ROBO2: variants seen among roughly 807,000 people sequenced by gnomAD.
The protein encoded by ROBO2 is roundabout homolog 2.
In ROBO2, 53 loss-of-function variants were observed where a neutral mutation model predicts 160.8. The ratio of observed to expected loss-of-function variants is 0.33; its 90% confidence interval spans 0.26 to 0.41. The LOEUF (loss-of-function observed/expected upper bound fraction) is 0.41, where lower values mean the gene tolerates loss of function less well. Among genes scored for constraint, ROBO2 ranks in the 10% least tolerant of loss-of-function variants. ROBO2 has a pLI of 1.00. For synonymous variants in ROBO2, 664 were observed against 611.7 expected (o/e 1.09, Z -1.26); for missense variants, 1,577 against 1,722.4 (o/e 0.92, Z 1.49).
At chr3:77,157,492 C>A (rs1032282021) in intron 2 of ROBO2, among the ~76,000 whole-genome samples, 6 of 151,936 alleles carry the variant, frequency 3.9e-5, no homozygotes, top group African/African-American at 1.2e-4. Flanking sequence ...TCGGGGAATT[C>A]TTTTGCTTTC....
chr3:76,715,096 G>A (rs947155593), intron 2 of ROBO2, among the ~76,000 whole-genome samples: 1 of 152,012 alleles, frequency 6.6e-6, no homozygotes, highest in Admixed American at 6.6e-5. Context: ...GATAAAATAG[G>A]TTTTCCAAAC....
At chr3:75,986,952 C>A (rs1430253088) in intron 2 of ROBO2, among the ~76,000 whole-genome samples, 1 of 151,790 alleles carries the variant, frequency 6.6e-6, no homozygotes, top group African/African-American at 2.4e-5. Flanking sequence ...ATGCCTGTGG[C>A]ACCCTGTTTT....
chr3:76,809,264 G>A (rs1364492806), intron 2 of ROBO2, among the ~76,000 whole-genome samples: 2 of 152,098 alleles, frequency 1.3e-5, no homozygotes, highest in African/African-American at 4.8e-5. Flanking sequence ...CCCTCAGGTT[G>A]TTGGCAGAAT....
At chr3:76,351,270 G>A (rs1322813197) in intron 2 of ROBO2, among the ~76,000 whole-genome samples, 1 of 151,836 alleles carries the variant, frequency 6.6e-6, no homozygotes, top group East Asian at 1.9e-4. Context: ...ATATTAAAAA[G>A]CACAATACTA....
chr3:77,366,334 C>T (rs9823539), intron 2 of ROBO2, among the ~76,000 whole-genome samples: 61,400 of 151,704 alleles, frequency 0.4, 13,163 homozygotes, highest in East Asian at 0.71. Context: ...GTGGGACTTT[C>T]GGGAAATGAT....
chr3:77,123,435 G>T (rs1178379205), intron 2 of ROBO2, among the ~76,000 whole-genome samples: 1 of 152,060 alleles, frequency 6.6e-6, no homozygotes, highest in East Asian at 1.9e-4. Context: ...TGAGGAGTTA[G>T]AAAATAATTG....
At chr3:76,054,905 G>A (rs1478542918) in intron 2 of ROBO2, among the ~76,000 whole-genome samples, 3 of 152,206 alleles carry the variant, frequency 2.0e-5, no homozygotes, top group Non-Finnish European at 2.9e-5. Flanking sequence ...GGGAGGTGAG[G>A]AATCTCTGGA....
intron 2 of ROBO2, among the ~76,000 whole-genome samples, chr3:77,034,589 T>C (rs994118269): frequency 2.0e-5 from 3 of 151,904 alleles, no homozygotes; most frequent in African/African-American, 7.2e-5. Context: ...CAAGGGAGAA[T>C]AAGCAATTTT....
At chr3:77,615,411 A>G (rs140635732) in intron 21 of ROBO2, among the ~76,000 whole-genome samples, 176 of 152,280 alleles carry the variant, frequency 1.2e-3, no homozygotes, top group African/African-American at 4.1e-3. Context: ...ATGGATTTGG[A>G]CAAATGTAAT....
At chr3:77,110,464 T>A (rs2073425623) in intron 2 of ROBO2, among the ~76,000 whole-genome samples, 1 of 152,062 alleles carries the variant, frequency 6.6e-6, no homozygotes, top group Admixed American at 6.5e-5. Context: ...TCTTTTTATT[T>A]TTTTATATTT....
intron 2 of ROBO2, among the ~76,000 whole-genome samples, chr3:76,532,857 A>G (rs952268097): frequency 1.4e-4 from 21 of 152,192 alleles, no homozygotes; most frequent in African/African-American, 5.1e-4. Context: ...GAGTGGGGTC[A>G]CGTTTTATAT....
chr3:76,356,166 A>T (rs571902756), intron 2 of ROBO2, among the ~76,000 whole-genome samples: 2 of 151,864 alleles, frequency 1.3e-5, no homozygotes, highest in Non-Finnish European at 3.0e-5. Flanking sequence ...TGAGAACAAT[A>T]CATAAACATG....
At chr3:76,327,895 T>C (rs1477562845) in intron 2 of ROBO2, among the ~76,000 whole-genome samples, 1 of 151,908 alleles carries the variant, frequency 6.6e-6, no homozygotes, top group Non-Finnish European at 1.5e-5. Flanking sequence ...AAGTGTTAAG[T>C]CTGGATAATG....
chr3:76,080,988 A>T (rs950063445), intron 2 of ROBO2, among the ~76,000 whole-genome samples: 1 of 152,132 alleles, frequency 6.6e-6, no homozygotes, highest in Non-Finnish European at 1.5e-5. Flanking sequence ...TAACAGAAAA[A>T]AATTCAACCA....
intron 2 of ROBO2, among the ~76,000 whole-genome samples, chr3:76,449,324 G>A (rs953878489): frequency 6.6e-6 from 1 of 152,022 alleles, no homozygotes; most frequent in Non-Finnish European, 1.5e-5. Flanking sequence ...ATTTTACAGG[G>A]AGACTAGACC....
intron 2 of ROBO2, among the ~76,000 whole-genome samples, chr3:77,286,557 A>C (rs1039245094): frequency 7.1e-6 from 1 of 141,512 alleles, no homozygotes; most frequent in Non-Finnish European, 1.6e-5. Flanking sequence ...CACCAGGCCT[A>C]TGGAGCAGTT....
At chr3:76,617,330 G>T (rs1393704073) in intron 2 of ROBO2, among the ~76,000 whole-genome samples, 3 of 151,916 alleles carry the variant, frequency 2.0e-5, no homozygotes, top group Non-Finnish European at 4.4e-5. Flanking sequence ...GTCTTGAATG[G>T]GGAACCCCTG....
At chr3:76,058,567 TCA>T (rs796923171) in intron 2 of ROBO2, among the ~76,000 whole-genome samples, 5 of 138,790 alleles carry the variant, frequency 3.6e-5, no homozygotes, top group African/African-American at 1.3e-4. Context: ...ACATGAACTA[TCA>T]CACGTCGAAA....
At chr3:76,258,364 T>C (rs1293151112) in intron 2 of ROBO2, among the ~76,000 whole-genome samples, 1 of 152,038 alleles carries the variant, frequency 6.6e-6, no homozygotes, top group East Asian at 1.9e-4. Flanking sequence ...AAAAGGTAAC[T>C]GTTTTAAAGA....
Sources: gnomAD v4.1 joint callset for allele counts (sites outside exome capture counted in the v4.1 genomes callset) on GRCh38, gnomAD v4.1.1 for gene constraint, MANE v1.5 for transcripts, NCBI Gene and HGNC (gene_info 2026-07-23, HGNC 2026-07-21) for gene names.